FAP: variants seen among roughly 807,000 people sequenced by gnomAD.
FAP encodes the protein prolyl endopeptidase FAP.
In FAP, 110 loss-of-function variants were observed where a neutral mutation model predicts 126.5. The observed-to-expected ratio is 0.87, with a 90% CI of 0.74 to 1.02. FAP has a LOEUF of 1.02. Ranked by LOEUF, FAP falls within the 50% of genes least tolerant of loss-of-function variation. FAP has a pLI of 0.00. For synonymous variants in FAP, 334 were observed against 297.3 expected, an observed-to-expected ratio of 1.12 and a Z score of -1.27; for missense variants, 919 against 909.2, an observed-to-expected ratio of 1.01 and a Z score of -0.14.
intron 18 of FAP, 117 bp downstream of exon 18, chr2:162,189,539 C>A: frequency 1.6e-6 from 1 of 615,956 alleles, no homozygotes. Flanking sequence ...TAAATGAAAT[C>A]CTGTAATATT....
At chr2:162,223,061 T>G (rs1421731548) in intron 6 of FAP, among the ~76,000 whole-genome samples, 2 of 152,216 alleles carry the variant, frequency 1.3e-5, no homozygotes, top group Admixed American at 1.3e-4. Context: ...AAAATGGTAC[T>G]TGTCTGACAA....
chr2:162,176,882 T>C (rs1687505776), intron 21 of FAP, among the ~76,000 whole-genome samples: 1 of 152,182 alleles, frequency 6.6e-6, no homozygotes, highest in South Asian at 2.1e-4. Context: ...CATTGGGTGA[T>C]AGTGTTGTAT....
chr2:162,227,945 G>A (rs1484210620), intron 2 of FAP, among the ~76,000 whole-genome samples: 2 of 152,110 alleles, frequency 1.3e-5, no homozygotes, highest in Non-Finnish European at 2.9e-5. Context: ...TTTCCGTAGA[G>A]CATGTTCCTT....
intron 17 of FAP, among the ~76,000 whole-genome samples, chr2:162,192,899 C>A (rs1455331065): frequency 6.6e-6 from 1 of 152,130 alleles, no homozygotes; most frequent in Admixed American, 6.6e-5. Flanking sequence ...CCCCCCAAAC[C>A]CAGATGAGCT....
chr2:162,218,213 A>C, intron 8 of FAP, 73 bp from the exon 9 acceptor site: 2 of 996,900 alleles, frequency 2.0e-6, no homozygotes, highest in Non-Finnish European at 2.9e-6. Context: ...ACTTCTAAAT[A>C]GCTATTTATC....
Position 162,219,200 on chromosome 2 carries a change from G to A in FAP, c.487-17C>T, listed in dbSNP as rs780676553. The stretch of plus-strand genomic sequence containing the variant: ...GACATATGCCTAAAAGTGGTGGTAA[G>A]GGGAAATTCCACAACAAATTAAATG... On this transcript the variant is annotated splice_polypyrimidine_tract_variant and intron_variant, in intron 7 of 25. Transcript: ENST00000188790. 8 of 1,595,966 alleles carry A rather than the reference G, an allele frequency of 5.0e-6. No homozygotes were observed. The highest frequency in any genetic ancestry group is 2.3e-5 in the East Asian group (1 of 44,362).
chr2:162,225,395 A>G (rs1308435321), intron 4 of FAP, 88 bp downstream of exon 4: 1 of 1,511,116 alleles, frequency 6.6e-7, no homozygotes, highest in Non-Finnish European at 8.9e-7. Context: ...TTGTGTCCAG[A>G]TCAGGTGCTA....
At chr2:162,184,111 A>G (rs1687784771) in intron 20 of FAP, among the ~76,000 whole-genome samples, 1 of 152,142 alleles carries the variant, frequency 6.6e-6, no homozygotes, top group Admixed American at 6.6e-5. Flanking sequence ...TTAAAAAGTC[A>G]TGGGAAACCC....
intron 21 of FAP, among the ~76,000 whole-genome samples, chr2:162,181,447 CTT>C (rs948779394): frequency 8.3e-4 from 126 of 152,256 alleles, no homozygotes; most frequent in African/African-American, 2.9e-3. Flanking sequence ...ATACTTTAGA[CTT>C]TTGAAGTTTC....
chr2:162,201,643 T>A lies in FAP; in HGVS notation c.1224-1024A>T, dbSNP rs112821439. 8.5e-5 allele frequency among the ~76,000 whole-genome samples: 13 copies of A among 152,190 alleles called. 1 individual carries two copies. The highest frequency in any genetic ancestry group is 3.1e-4 in the African/African-American group (13 of 41,526). On this transcript the variant is annotated intron_variant, in intron 14 of 25. Coordinates refer to ENST00000188790, the MANE Select transcript of FAP (RefSeq NM_004460.5). ...CTTTTCTCTCTCTTTTTCCTGACAGTCTCCCTTCACCAGTCCTGTTTAGCC... is the reference window on the plus strand; with the variant it reads ...CTTTTCTCTCTCTTTTTCCTGACAGACTCCCTTCACCAGTCCTGTTTAGCC...
chr2:162,223,580 G>A, intron 6 of FAP, 28 bp downstream of exon 6: 2 of 1,367,424 alleles, frequency 1.5e-6, no homozygotes, highest in Non-Finnish European at 2.1e-6. Context: ...TTAGATTTAA[G>A]TAGTATTAAT....
chr2:162,189,732 G>T lies in FAP; in HGVS notation c.1473C>A (p.Asn491Lys). The change falls in exon 18 of 26, where the codon AAC (asparagine) becomes AAA (lysine). Residue 491 changes from asparagine (N) to lysine (K), a missense_variant. Physicochemically the swap from Asn to Lys is moderately conservative, Grantham distance 94. Transcript: ENST00000188790. ...TDQEIKILEE[N>K]KELENALKNI... ...TTTTCAAAGCATTTTCCAATTCCTTGTTTTCTTCCAGGATTTTAATTTCTG... is the reference window on the plus strand; with the variant it reads ...TTTTCAAAGCATTTTCCAATTCCTTTTTTTCTTCCAGGATTTTAATTTCTG... The T allele has an allele frequency of 1.3e-6, 2 of 1,577,486 alleles. No homozygotes were observed. The highest frequency in any genetic ancestry group is 1.7e-6 in the Non-Finnish European group (2 of 1,157,296).
intron 2 of FAP, among the ~76,000 whole-genome samples, chr2:162,239,502 T>TA (rs11356064): frequency 2.5e-4 from 36 of 146,712 alleles, no homozygotes; most frequent in Non-Finnish European, 2.4e-4. Context: ...TGTTTTTGGT[T>TA]AAAAAAAAAA....
intron 2 of FAP, among the ~76,000 whole-genome samples, chr2:162,231,675 A>T (rs369041789): frequency 6.6e-6 from 1 of 152,252 alleles, no homozygotes; most frequent in East Asian, 1.9e-4. Flanking sequence ...CACAGAAATG[A>T]TTCACAAGCA....
At position 162,178,060 on chromosome 2, in the gene FAP, C is replaced by T. The variant is rs187640441; in HGVS notation, c.1870-3094G>A. Among the ~76,000 whole-genome samples the T allele has an allele frequency of 1.6e-3, 250 of 152,214 alleles. 2 individuals carry two copies. In the Middle Eastern group the frequency reaches 0.034, roughly 21 times the overall value. On this transcript the variant is annotated intron_variant, in intron 21 of 25. Coordinates refer to ENST00000188790, the MANE Select transcript of FAP (RefSeq NM_004460.5). ...TCCCTATACTTAGGGCAACCTCTTT[C>T]GGGGAAACTGTAAGTTCAGAGTCTA...
rs1484509606 is a variant in FAP at position 162,198,992 on chromosome 2, T to C, written c.1278-111A>G. 6.9e-6 allele frequency: 6 copies of C among 873,044 alleles called. No homozygotes were observed. In the East Asian group the frequency reaches 1.6e-4, roughly 23 times the overall value. The allele number at this position is 873,044 out of a possible 1,614,324, so 54.1% of individuals were successfully genotyped here. On this transcript the variant is annotated intron_variant, in intron 15 of 25. Coordinates refer to ENST00000188790, the MANE Select transcript of FAP (RefSeq NM_004460.5). ...ACATATTGACATCAAACCCACTCTA[T>C]TTTTCTGTTGCCAATATCATTTAAA...
chr2:162,225,001 A>G (rs956680374), intron 4 of FAP, among the ~76,000 whole-genome samples: 11 of 152,158 alleles, frequency 7.2e-5, no homozygotes, highest in African/African-American at 1.9e-4. Context: ...AAGTGCCCAT[A>G]CTTTATAGCT....
chr2:162,213,879 TC>T (rs1406752683), intron 11 of FAP, 58 bp downstream of exon 11: 8 of 1,542,002 alleles, frequency 5.2e-6, no homozygotes, highest in Non-Finnish European at 7.1e-6. Flanking sequence ...TATGGATGAG[TC>T]CCCACTATTG....
At chr2:162,176,168 G>GAGAGAGAGA (rs1687476412) in intron 21 of FAP, 1 of 152,190 alleles carries the variant, frequency 6.6e-6, no homozygotes, top group Admixed American at 6.5e-5. Context: ...GAGAAAGAGA[G>GAGAGAGAGA]AGAGAGAGAG....
Sources: allele counts gnomAD v4.1 joint callset (sites outside exome capture counted in the v4.1 genomes callset), GRCh38; gene constraint gnomAD v4.1.1; transcripts MANE v1.5; gene names NCBI Gene and HGNC (gene_info 2026-07-23, HGNC 2026-07-21).